Variants in SRGAP3 observed in about 807,000 individuals in gnomAD.
SRGAP3 encodes SLIT-ROBO Rho GTPase-activating protein 3.
Under a neutral mutation model 121.1 loss-of-function variants are expected in SRGAP3, and 39 were observed. That is an observed-to-expected ratio of 0.32 (90% CI 0.25 to 0.42). The LOEUF is 0.42. Ranked by LOEUF, SRGAP3 falls within the 10% of genes least tolerant of loss-of-function variation. The probability of loss-of-function intolerance (pLI) is 1.00; values close to 1 mark genes in which losing one functional copy is unlikely to be tolerated. For missense variants in SRGAP3, 1,213 were observed against 1,470.6 expected (o/e 0.82, Z 2.86); for synonymous variants, 601 against 570.0 (o/e 1.05, Z -0.77).
intron 3 of SRGAP3, among the ~76,000 whole-genome samples, chr3:9,272,616 T>A (rs1270161106): frequency 6.6e-6 from 1 of 152,208 alleles, no homozygotes; most frequent in African/African-American, 2.4e-5. Context: ...AATATTCTAA[T>A]GTATATATGT....
intron 1 of SRGAP3, chr3:9,216,898 A>ATTC (rs1952656107): frequency 1.3e-5 from 2 of 152,156 alleles, no homozygotes; most frequent in African/African-American, 4.8e-5. Context: ...ACGCTAACTA[A>ATTC]ACTACAGCAG....
chr3:9,101,264 T>G (rs532381021), intron 3 of SRGAP3, among the ~76,000 whole-genome samples: 7 of 152,296 alleles, frequency 4.6e-5, no homozygotes, highest in African/African-American at 1.7e-4. Context: ...CCTGTTTTAT[T>G]TCTCCCTTCT....
chr3:9,293,803 T>C (rs962305989), intron 3 of SRGAP3, among the ~76,000 whole-genome samples: 1 of 152,074 alleles, frequency 6.6e-6, no homozygotes, highest in Non-Finnish European at 1.5e-5. Context: ...CTCACATCAG[T>C]CAGAATGGCT....
intron 2 of SRGAP3, among the ~76,000 whole-genome samples, chr3:9,121,488 A>C (rs1226344786): frequency 6.6e-6 from 1 of 152,144 alleles, no homozygotes; most frequent in African/African-American, 2.4e-5. Context: ...CACTTCCAGA[A>C]GCGGAGACGG....
intron 13 of SRGAP3, among the ~76,000 whole-genome samples, chr3:9,025,574 G>T (rs1358036527): frequency 2.0e-5 from 3 of 152,154 alleles, no homozygotes; most frequent in African/African-American, 7.2e-5. Flanking sequence ...TGAGCTTAAA[G>T]GAAAAGGCCT....
At chr3:9,058,572 A>G in intron 6 of SRGAP3, 100 bp from the exon 7 acceptor site, 1 of 1,265,688 alleles carries the variant, frequency 7.9e-7, no homozygotes, top group Non-Finnish European at 1.1e-6. Context: ...CCCTTTCCAC[A>G]GCCGAATCTT....
intron 1 of SRGAP3, among the ~76,000 whole-genome samples, chr3:9,153,068 G>A (rs915335612): frequency 5.3e-5 from 8 of 152,136 alleles, no homozygotes; most frequent in Non-Finnish European, 1.2e-4. Context: ...CTTCCAGGGA[G>A]CATGGAACCC....
intron 1 of SRGAP3, among the ~76,000 whole-genome samples, chr3:9,216,138 G>A (rs1162430): frequency 0.18 from 28,078 of 152,114 alleles, 2,729 homozygotes; most frequent in East Asian, 0.35. Flanking sequence ...CCAACTGTTA[G>A]TATGCACACT....
intron 1 of SRGAP3, among the ~76,000 whole-genome samples, chr3:9,347,363 G>T (rs1028682921): frequency 6.6e-6 from 1 of 152,138 alleles, no homozygotes; most frequent in Non-Finnish European, 1.5e-5. Context: ...TTTTTTAAAT[G>T]ATAATTTTTT....
At chr3:9,188,049 G>A (rs1363638598) in intron 1 of SRGAP3, among the ~76,000 whole-genome samples, 1 of 152,118 alleles carries the variant, frequency 6.6e-6, no homozygotes, top group Admixed American at 6.6e-5. Context: ...AGGGGGTGAG[G>A]GGAGAAAGAA....
At chr3:8,992,512 G>A (rs895750824) in intron 20 of SRGAP3, 9 of 371,354 alleles carry the variant, frequency 2.4e-5, no homozygotes, top group South Asian at 1.1e-4. Flanking sequence ...TTTATGTAGC[G>A]CGTTTCAGGG....
chr3:9,315,141 A>C (rs996306928), intron 3 of SRGAP3, among the ~76,000 whole-genome samples: 1 of 152,162 alleles, frequency 6.6e-6, no homozygotes, highest in Non-Finnish European at 1.5e-5. Flanking sequence ...TCTCCAGTCT[A>C]TCTTCAGCTG....
intron 5 of SRGAP3, among the ~76,000 whole-genome samples, chr3:9,063,157 G>A (rs1946257221): frequency 7.8e-6 from 1 of 128,338 alleles, no homozygotes; most frequent in Admixed American, 8.5e-5. Context: ...TTTTGAGACA[G>A]GGTCTTACTC....
intron 1 of SRGAP3, among the ~76,000 whole-genome samples, chr3:9,221,953 G>C (rs1181358620): frequency 6.6e-6 from 1 of 152,194 alleles, no homozygotes; most frequent in African/African-American, 2.4e-5. Context: ...CTCTGTGCCT[G>C]CTCAGCGCCT....
intron 1 of SRGAP3, among the ~76,000 whole-genome samples, chr3:9,197,506 G>A (rs1951951218): frequency 6.6e-6 from 1 of 152,154 alleles, no homozygotes; most frequent in Non-Finnish European, 1.5e-5. Context: ...ATCACTAAAC[G>A]CTTGACAACT....
At chr3:9,333,343 A>T (rs1478371925) in intron 1 of SRGAP3, among the ~76,000 whole-genome samples, 1 of 152,210 alleles carries the variant, frequency 6.6e-6, no homozygotes, top group African/African-American at 2.4e-5. Flanking sequence ...GGGCTCCTTC[A>T]CAGCAGGTCA....
chr3:9,105,967 A>C (rs1036911775), intron 2 of SRGAP3, among the ~76,000 whole-genome samples: 1 of 152,242 alleles, frequency 6.6e-6, no homozygotes, highest in Non-Finnish European at 1.5e-5. Flanking sequence ...AAACTGTTGA[A>C]TATCTCATGT....
At chr3:9,127,136 A>T (rs552687078) in intron 1 of SRGAP3, among the ~76,000 whole-genome samples, 1 of 151,948 alleles carries the variant, frequency 6.6e-6, no homozygotes, top group Non-Finnish European at 1.5e-5. Flanking sequence ...AGCCTGGGAA[A>T]CATAGGGAGA....
intron 1 of SRGAP3, among the ~76,000 whole-genome samples, chr3:9,178,369 G>A (rs1951254553): frequency 6.6e-6 from 1 of 152,190 alleles, no homozygotes; most frequent in Non-Finnish European, 1.5e-5. Context: ...GCATCACTGA[G>A]GAAACTGGCA....
Sources: gnomAD v4.1 joint callset for allele counts (sites outside exome capture counted in the v4.1 genomes callset) on GRCh38, gnomAD v4.1.1 for gene constraint, MANE v1.5 for transcripts, NCBI Gene and HGNC (gene_info 2026-07-23, HGNC 2026-07-21) for gene names.